CMIP: variants seen among roughly 807,000 people sequenced by gnomAD.
CMIP encodes the protein c-Maf inducing protein, also known as C-Maf-inducing protein.
A neutral mutation model predicts 97.3 loss-of-function variants in CMIP; 13 were observed. The ratio of observed to expected loss-of-function variants is 0.13; its 90% CI spans 0.09 to 0.21. The LOEUF (loss-of-function observed/expected upper bound fraction) is 0.21. Among genes scored for constraint, CMIP ranks in the 10% least tolerant of loss-of-function variants. The pLI, the probability that CMIP is intolerant of heterozygous loss-of-function variation, is 1.00. For missense variants in CMIP, 847 were observed against 1,024.9 expected (o/e 0.83, Z 2.37); for synonymous variants, 538 against 436.3 (o/e 1.23, Z -2.91).
intron 1 of CMIP, among the ~76,000 whole-genome samples, chr16:81,487,087 G>C (rs1394576676): frequency 6.6e-6 from 1 of 152,196 alleles, no homozygotes; most frequent in Non-Finnish European, 1.5e-5. Context: ...GGGGACGCCT[G>C]CTGGGCTGTG....
At chr16:81,696,323 C>G (rs991772991) in intron 13 of CMIP, 5 of 585,440 alleles carry the variant, frequency 8.5e-6, no homozygotes, top group Non-Finnish European at 1.5e-5. Context: ...GCCCTCCCTC[C>G]TGTGCAGCTG....
intron 1 of CMIP, among the ~76,000 whole-genome samples, chr16:81,507,836 T>A (rs1197958829): frequency 6.6e-6 from 1 of 152,146 alleles, no homozygotes; most frequent in Non-Finnish European, 1.5e-5. Flanking sequence ...AGGACTGGGT[T>A]CTGGGGAAGG....
intron 19 of CMIP, among the ~76,000 whole-genome samples, chr16:81,706,347 G>A (rs1174526005): frequency 6.6e-6 from 1 of 152,222 alleles, no homozygotes; most frequent in East Asian, 1.9e-4. Context: ...CCTGAGCAGG[G>A]GCCATGACTC....
chr16:81,694,974 G>A (rs887242944), intron 13 of CMIP, among the ~76,000 whole-genome samples: 4 of 152,328 alleles, frequency 2.6e-5, no homozygotes, highest in South Asian at 4.1e-4. Context: ...TGAAGACAGC[G>A]TCTCAGAATT....
intron 18 of CMIP, 89 bp downstream of exon 18, chr16:81,704,174 C>T (rs1443282923): frequency 8.5e-7 from 1 of 1,178,594 alleles, no homozygotes. Context: ...ATCTTCCTTT[C>T]CCCTCAGCCT....
chr16:81,689,915 C>G (rs1365245007), intron 10 of CMIP, among the ~76,000 whole-genome samples: 2 of 152,158 alleles, frequency 1.3e-5, no homozygotes, highest in African/African-American at 4.8e-5. Flanking sequence ...ATAGGGAATC[C>G]TTTCCCCATT....
intron 16 of CMIP, 57 bp from the exon 17 acceptor site, chr16:81,702,565 T>C: frequency 1.3e-6 from 2 of 1,522,976 alleles, no homozygotes; most frequent in Non-Finnish European, 1.8e-6. Context: ...GAGGTGGAAG[T>C]CTAGAATGGA....
At chr16:81,661,000 C>T (rs1230196701) in intron 6 of CMIP, 54 bp downstream of exon 6, 24 of 1,605,522 alleles carry the variant, frequency 1.5e-5, no homozygotes, top group Admixed American at 1.0e-4. Flanking sequence ...TCCCTCTGTG[C>T]GCATACCAGG....
chr16:81,694,701 C>T (rs1413419680), intron 13 of CMIP, among the ~76,000 whole-genome samples: 1 of 152,200 alleles, frequency 6.6e-6, no homozygotes, highest in African/African-American at 2.4e-5. Flanking sequence ...TGGGTGGAGC[C>T]AAGCATATGC....
At chr16:81,520,206 G>T (rs1424860065) in intron 1 of CMIP, 1 of 152,100 alleles carries the variant, frequency 6.6e-6, no homozygotes, top group Non-Finnish European at 1.5e-5. Context: ...CTGCTGGCTG[G>T]GTTTGAACCC....
chr16:81,601,855 G>T (rs985270984), intron 1 of CMIP, among the ~76,000 whole-genome samples: 2 of 152,172 alleles, frequency 1.3e-5, no homozygotes, highest in Non-Finnish European at 2.9e-5. Context: ...ACCTGGGTTC[G>T]CTCCTTGCTT....
Position 81,678,634 on chromosome 16 carries a change from T to TGC in CMIP, c.1388+7_1388+8dup, listed in dbSNP as rs1904532729. 7.2e-6 allele frequency: 10 copies of TGC among 1,384,632 alleles called. No homozygotes were observed. The highest frequency in any genetic ancestry group is 1.0e-5 in the Non-Finnish European group (10 of 998,910). 85.8% of individuals were successfully genotyped at this position (1,384,632 alleles called of 1,614,324 possible). A position where few individuals can be genotyped will look rare whatever the true frequency, so the allele number is the denominator to read the frequency against. ...GTGGAAATCCTCAAGCTGCTGTGAG[T>TGC]GCCCCCCCCGCGTGCCCGCCCCCGG... On this transcript the variant is annotated splice_region_variant and intron_variant, in intron 10 of 20. Transcript: ENST00000537098.
intron 1 of CMIP, among the ~76,000 whole-genome samples, chr16:81,455,830 C>T (rs969120174): frequency 2.0e-5 from 3 of 152,172 alleles, no homozygotes; most frequent in African/African-American, 7.2e-5. Flanking sequence ...TTGAACCTTC[C>T]CTTCAGGGAG....
chr16:81,516,292 T>C (rs2089911828), intron 1 of CMIP, among the ~76,000 whole-genome samples: 1 of 152,210 alleles, frequency 6.6e-6, no homozygotes, highest in Non-Finnish European at 1.5e-5. Flanking sequence ...CCGGGGATTT[T>C]CTAAAATACA....
intron 3 of CMIP, among the ~76,000 whole-genome samples, chr16:81,625,360 G>A (rs1325091574): frequency 6.6e-6 from 1 of 152,252 alleles, no homozygotes; most frequent in East Asian, 1.9e-4. Context: ...CCAGGGGTGT[G>A]GAAGCATTAA....
chr16:81,585,770 C>G (rs1047376545), intron 1 of CMIP, among the ~76,000 whole-genome samples: 3 of 152,220 alleles, frequency 2.0e-5, no homozygotes, highest in Non-Finnish European at 2.9e-5. Context: ...TGTCCTGACC[C>G]TGCAGCCCCA....
At chr16:81,662,679 A>G (rs2092560400) in intron 6 of CMIP, among the ~76,000 whole-genome samples, 2 of 152,182 alleles carry the variant, frequency 1.3e-5, no homozygotes, top group South Asian at 4.1e-4. Context: ...TCCCAGGTCT[A>G]GCATCCTCAT....
chr16:81,696,139 C>A, intron 13 of CMIP: 1 of 261,368 alleles, frequency 3.8e-6, no homozygotes, highest in Non-Finnish European at 7.5e-6. Context: ...GACAGAGAAC[C>A]AAACAGAGAA....
intron 1 of CMIP, among the ~76,000 whole-genome samples, chr16:81,595,975 C>G (rs369819222): frequency 1.0e-3 from 158 of 152,336 alleles, no homozygotes; most frequent in African/African-American, 3.8e-3. Flanking sequence ...CTGCCTGCAT[C>G]ATTTTACATT....
Sources: allele counts gnomAD v4.1 joint callset (sites outside exome capture counted in the v4.1 genomes callset), GRCh38; gene constraint gnomAD v4.1.1; transcripts MANE v1.5; gene names NCBI Gene and HGNC (gene_info 2026-07-23, HGNC 2026-07-21).